NAV3: variants seen among roughly 807,000 people sequenced by gnomAD.
NAV3 encodes the protein neuron navigator 3.
Under a neutral mutation model 244.7 loss-of-function variants are expected in NAV3, and 87 were observed. The ratio of observed to expected loss-of-function variants is 0.36; its 90% CI spans 0.30 to 0.42. NAV3 has a LOEUF of 0.42. Ranked by LOEUF, NAV3 falls within the 20% of genes least tolerant of loss-of-function variation. NAV3 has a pLI of 1.00. For missense variants in NAV3, 2,663 were observed against 2,893.3 expected (o/e 0.92, Z 1.83); for synonymous variants, 1,126 against 1,042.2 (o/e 1.08, Z -1.55).
intron 23 of NAV3, among the ~76,000 whole-genome samples, chr12:78,165,337 T>G (rs191627933): frequency 4.6e-5 from 7 of 152,176 alleles, no homozygotes; most frequent in South Asian, 2.1e-4. Context: ...TCTTTAGTAT[T>G]TAATGAGAAT....
At chr12:77,766,735 G>GTTTAAGTTTGTTTTTTTTTT (rs1555202961) in intron 2 of NAV3, among the ~76,000 whole-genome samples, 1 of 60,516 alleles carries the variant, frequency 1.7e-5, no homozygotes, top group African/African-American at 6.3e-5. Flanking sequence ...AGGCAATTAA[G>GTTTAAGTTTGTTTTTTTTTT]TTTTTTTTTT....
intron 3 of NAV3, among the ~76,000 whole-genome samples, chr12:77,952,327 C>T (rs914271349): frequency 2.0e-5 from 3 of 152,064 alleles, no homozygotes; most frequent in South Asian, 2.1e-4. Context: ...ATGTCCAGCT[C>T]GTCTCGCACT....
At chr12:77,645,540 A>AAAAAAAAAAAAAC (rs1872575730) in intron 2 of NAV3, among the ~76,000 whole-genome samples, 1 of 150,210 alleles carries the variant, frequency 6.7e-6, no homozygotes, top group African/African-American at 2.5e-5. Flanking sequence ...TCTCTCTAAA[A>AAAAAAAAAAAAAC]AAAAAAAAAA....
At chr12:78,068,248 A>T (rs536003299) in intron 12 of NAV3, among the ~76,000 whole-genome samples, 1 of 152,114 alleles carries the variant, frequency 6.6e-6, no homozygotes, top group South Asian at 2.1e-4. Flanking sequence ...CTTAATAAAT[A>T]ATAATTGCAG....
intron 9 of NAV3, among the ~76,000 whole-genome samples, chr12:78,031,139 G>C (rs960198798): frequency 6.6e-6 from 1 of 152,136 alleles, no homozygotes; most frequent in Non-Finnish European, 1.5e-5. Flanking sequence ...TTATAAATTT[G>C]TGAAGTCTAT....
Position 77,858,875 on chromosome 12 carries a change from G to A in NAV3, c.243+27171G>A, listed in dbSNP as rs976679771. ...TCTCATTAAGTATTCAACTGGATAT[G>A]CAGTGCTTAGCAGAGAAGTTGCCTT... On this transcript the variant is annotated intron_variant, in intron 1 of 39. Coordinates refer to ENST00000397909, the MANE Select transcript of NAV3 (RefSeq NM_001024383.2). Among the ~76,000 whole-genome samples the A allele has an allele frequency of 5.9e-5, 9 of 152,196 alleles. 1 individual carries two copies. Among genetic ancestry groups the A allele is most frequent in the Admixed American group, 3.3e-4 (5 of 15,272 alleles).
intron 28 of NAV3, among the ~76,000 whole-genome samples, chr12:78,179,084 C>A (rs1958385917): frequency 6.6e-6 from 1 of 150,684 alleles, no homozygotes; most frequent in Non-Finnish European, 1.5e-5. Flanking sequence ...TGTGGCAAAG[C>A]TTTTTTTTTG....
At chr12:77,700,791 A>G (rs1312276929) in intron 2 of NAV3, among the ~76,000 whole-genome samples, 4 of 151,930 alleles carry the variant, frequency 2.6e-5, no homozygotes, top group Non-Finnish European at 4.4e-5. Flanking sequence ...ACATGCCTTC[A>G]TATGTCTATG....
chr12:77,750,205 T>G (rs1868773497), intron 2 of NAV3, among the ~76,000 whole-genome samples: 1 of 151,984 alleles, frequency 6.6e-6, no homozygotes, highest in Non-Finnish European at 1.5e-5. Context: ...TACAAAAAAT[T>G]AGCCAGGCAT....
At chr12:78,103,637 C>T (rs1450378427) in intron 12 of NAV3, among the ~76,000 whole-genome samples, 1 of 152,212 alleles carries the variant, frequency 6.6e-6, no homozygotes, top group Non-Finnish European at 1.5e-5. Flanking sequence ...ATTGGACTTA[C>T]AGTTCCACAT....
chr12:78,080,344 T>C (rs1418529549), intron 12 of NAV3, among the ~76,000 whole-genome samples: 1 of 152,216 alleles, frequency 6.6e-6, no homozygotes. Context: ...AAAAACCCTT[T>C]TGTAATATTA....
intron 8 of NAV3, among the ~76,000 whole-genome samples, chr12:78,020,180 A>G (rs1876915442): frequency 6.6e-6 from 1 of 152,180 alleles, no homozygotes; most frequent in African/African-American, 2.4e-5. Flanking sequence ...TATGTAGAGG[A>G]AAACAATAGA....
chr12:77,695,680 C>T (rs537810716), intron 2 of NAV3, among the ~76,000 whole-genome samples: 1 of 152,168 alleles, frequency 6.6e-6, no homozygotes, highest in African/African-American at 2.4e-5. Context: ...CTCTAAATGC[C>T]CCTCTCCTCC....
At chr12:78,157,486 A>G (rs1957354509) in intron 22 of NAV3, among the ~76,000 whole-genome samples, 1 of 151,866 alleles carries the variant, frequency 6.6e-6, no homozygotes, top group African/African-American at 2.4e-5. Context: ...ACTTTAGCCC[A>G]GGAGTTTAAG....
chr12:77,903,013 C>A (rs1365245941), intron 1 of NAV3, among the ~76,000 whole-genome samples: 7 of 152,200 alleles, frequency 4.6e-5, no homozygotes, highest in South Asian at 4.1e-4. Context: ...CAAATGGAAG[C>A]ACATTCCATG....
At chr12:77,899,883 A>T (rs982872437) in intron 1 of NAV3, among the ~76,000 whole-genome samples, 3 of 152,112 alleles carry the variant, frequency 2.0e-5, no homozygotes, top group Non-Finnish European at 4.4e-5. Flanking sequence ...TTTATTTATT[A>T]ATCGTTTTAA....
At chr12:77,627,653 A>G (rs1313339398) in intron 2 of NAV3, among the ~76,000 whole-genome samples, 1 of 152,180 alleles carries the variant, frequency 6.6e-6, no homozygotes, top group Non-Finnish European at 1.5e-5. Flanking sequence ...AAAGTAAAAT[A>G]TGATCCAGCA....
rs1233829772 is a variant in NAV3, at chr12:77,831,600, A to G, written c.139A>G (p.Thr47Ala). The change falls in exon 1 of 40, where the codon ACA becomes GCA. Residue 47 changes from threonine (T) to alanine (A), a missense_variant. Thr to Ala is a moderately conservative substitution (Grantham distance 58). Around this residue, in one of 6 missense-constraint regions of NAV3, gnomAD observed 1,521 missense variants for 1,497.0 expected, o/e 1.02. Transcript: ENST00000397909. ...CSSRPLELTE[T>A]ESSMLSCQLA... ...TTCAAGACCTTTGGAACTTACTGAA[A>G]CAGAGAGCTCCATGCTTTCTTGTCA... 1 of 1,614,096 alleles carries G rather than the reference A, an allele frequency of 6.2e-7. No individual in the cohort carries two copies.
intron 29 of NAV3, 113 bp downstream of exon 29, chr12:78,179,795 G>A: frequency 8.4e-7 from 1 of 1,193,984 alleles, no homozygotes. Context: ...CCTTAGAAAT[G>A]TACTCTGTTT....
Sources: gnomAD v4.1 joint callset for allele counts (sites outside exome capture counted in the v4.1 genomes callset) on GRCh38, gnomAD v4.1.1 for gene constraint, gnomAD v4.1.1 regional missense constraint, MANE v1.5 for transcripts, NCBI Gene and HGNC (gene_info 2026-07-23, HGNC 2026-07-21) for gene names.